Variants in DPP8 observed in about 807,000 individuals in gnomAD.
DPP8 encodes DPP VIII.
In DPP8, 31 loss-of-function variants were observed where a neutral mutation model predicts 107.5. That is an observed-to-expected ratio of 0.29 (90% confidence interval 0.22 to 0.39). The LOEUF is 0.39. Among genes scored for constraint, DPP8 ranks in the 10% least tolerant of loss-of-function variants. The pLI, the probability that DPP8 is intolerant of heterozygous loss-of-function variation, is 1.00. For synonymous variants in DPP8, 381 were observed against 356.6 expected (o/e 1.07, Z -0.77); for missense variants, 842 against 1,076.1 (o/e 0.78, Z 3.04).
At position 65,456,353 on chromosome 15, in the gene DPP8, G is replaced by A. The variant is rs761602081; in HGVS notation, c.1990C>T (p.Arg664Trp). The A allele has an allele frequency of 6.2e-7, 1 of 1,611,386 alleles. No individual in the cohort carries two copies. The change falls in exon 16 of 20, where the codon CGG becomes TGG. Residue 664 changes from arginine to tryptophan, a missense_variant. By Grantham distance (101) the Arg-to-Trp change is moderately radical. Coordinates refer to ENST00000300141, the MANE Select transcript of DPP8 (RefSeq NM_130434.5). ...GGPQVQLVNN[R>W]FKGVKYFRLN... is the part of the protein sequence containing the mutation. The stretch of plus-strand genomic sequence containing the variant: ...CGGAAATACTTGACTCCTTTAAACC[G>A]ATTATTCACCAACTGCACCTGAGGA...
In DPP8 at chr15:65,451,077, C is replaced by T; in HGVS notation, c.2448G>A (p.Leu816=). The T allele has an allele frequency of 6.2e-7, 1 of 1,612,984 alleles. No individual in the cohort carries two copies. Among genetic ancestry groups the T allele is most frequent in the Non-Finnish European group, 8.5e-7 (1 of 1,179,386 alleles). Residue 816 remains leucine, a synonymous_variant, in exon 19 of 20, where the codon CTG becomes CTA. Transcript: ENST00000300141. Reference sequence around the variant, plus strand: ...TATGTGCAAAATGGACATTCTCATCCAGGAAACCATGTAAGAGCAGTAAAC... The same window carrying T: ...TATGTGCAAAATGGACATTCTCATCTAGGAAACCATGTAAGAGCAGTAAAC... ...PNRLLLLHGF[L]DENVHFAHTS...
intron 12 of DPP8, among the ~76,000 whole-genome samples, chr15:65,471,534 T>C (rs533815825): frequency 3.6e-5 from 5 of 140,240 alleles, no homozygotes; most frequent in Admixed American, 2.1e-4. Flanking sequence ...TTTTTTTTGG[T>C]AGAGATGGAG....
At chr15:65,456,797 A>T (rs2064460694) in intron 15 of DPP8, among the ~76,000 whole-genome samples, 1 of 152,126 alleles carries the variant, frequency 6.6e-6, no homozygotes, top group Non-Finnish European at 1.5e-5. Context: ...CTTCAGAATA[A>T]GTCTACATGG....
At chr15:65,492,670 A>T (rs751469618) in intron 5 of DPP8, among the ~76,000 whole-genome samples, 7 of 151,222 alleles carry the variant, frequency 4.6e-5, no homozygotes, top group Non-Finnish European at 8.9e-5. Context: ...ATCTCGGGTC[A>T]CTGCAGCCTT....
intron 6 of DPP8, among the ~76,000 whole-genome samples, chr15:65,488,603 CA>C (rs1166493197): frequency 0.23 from 10,437 of 45,556 alleles, 121 homozygotes; most frequent in African/African-American, 0.31. Context: ...GACCCTGCCT[CA>C]AAAAAAAAAA....
chr15:65,466,328 G>A (rs933817960), intron 14 of DPP8, among the ~76,000 whole-genome samples: 14 of 100,392 alleles, frequency 1.4e-4, no homozygotes, highest in Admixed American at 4.6e-4. Context: ...TAGTGGAGAC[G>A]GGGTTTTACT....
intron 5 of DPP8, among the ~76,000 whole-genome samples, chr15:65,496,144 C>T (rs750483282): frequency 2.6e-5 from 4 of 151,866 alleles, no homozygotes; most frequent in Middle Eastern, 3.2e-3. Flanking sequence ...CCACCACGCC[C>T]GGCTAATTTT....
chr15:65,505,027 T>C (rs1201033958), intron 3 of DPP8, among the ~76,000 whole-genome samples: 8 of 151,934 alleles, frequency 5.3e-5, no homozygotes, highest in Admixed American at 5.3e-4. Context: ...TACTGATATA[T>C]TTCAGGAATG....
In DPP8 at chr15:65,509,785, C is replaced by T. The variant is rs146675055; in HGVS notation, c.260-2430G>A. Among the ~76,000 whole-genome samples, 6 of 152,064 alleles carry T rather than the reference C, an allele frequency of 3.9e-5. No individual in the cohort carries two copies. In the East Asian group the frequency reaches 9.7e-4, roughly 25 times the overall value. Reference sequence around the variant, plus strand: ...TCTGCAATTCCAGCACTCTGGGAGGCTGAGGTGGGTAGACAGCTTGAGCTC... The same window carrying T: ...TCTGCAATTCCAGCACTCTGGGAGGTTGAGGTGGGTAGACAGCTTGAGCTC... On this transcript the variant is annotated intron_variant, in intron 2 of 19. Transcript: ENST00000300141.
chr15:65,513,778 T>C (rs930958641), intron 1 of DPP8, among the ~76,000 whole-genome samples: 1 of 152,236 alleles, frequency 6.6e-6, no homozygotes, highest in Admixed American at 6.5e-5. Context: ...GAAGTTGCAT[T>C]TCTCCTTTAT....
chr15:65,476,224 T>C (rs760124850), intron 11 of DPP8, among the ~76,000 whole-genome samples: 4 of 152,108 alleles, frequency 2.6e-5, no homozygotes, highest in Non-Finnish European at 5.9e-5. Flanking sequence ...TTTCCTAGGG[T>C]TCCACGTAAG....
chr15:65,448,876 A>ATGTATATG (rs1270279189), intron 19 of DPP8, among the ~76,000 whole-genome samples: 4 of 30,550 alleles, frequency 1.3e-4, no homozygotes, highest in African/African-American at 7.7e-4. Flanking sequence ...ATATATATAT[A>ATGTATATG]TATATATATA....
intron 17 of DPP8, 97 bp downstream of exon 17, chr15:65,454,164 ACT>A: frequency 1.0e-6 from 1 of 985,028 alleles, no homozygotes; most frequent in Non-Finnish European, 1.4e-6. Flanking sequence ...AAAATTGCCA[ACT>A]CTGTAAACCT....
chr15:65,479,114 TTTC>T (rs2066666292), intron 10 of DPP8, 75 bp from the exon 11 acceptor site: 7 of 1,012,446 alleles, frequency 6.9e-6, no homozygotes, highest in Non-Finnish European at 9.6e-6. Flanking sequence ...ACAGGAAAAA[TTTC>T]TTGATAAATA....
rs974272725 is a variant in DPP8 at position 65,456,270 on chromosome 15, G to A, written c.2073C>T (p.Ser691=). The change falls in exon 16 of 20, where the codon TCC becomes TCT. Residue 691 remains serine (S), a synonymous_variant. Transcript: ENST00000300141. The stretch of plus-strand genomic sequence containing the variant: ...CTTCAAATTTAAGCCCTCGGTGACA[G>A]GATCCCCTGTTGTCTATCACTACAA... ...YVVVVIDNRG[S]CHRGLKFEGA... The A allele has an allele frequency of 1.2e-6, 2 of 1,613,578 alleles. No individual in the cohort carries two copies. The highest frequency in any genetic ancestry group is 2.7e-5 in the African/African-American group (2 of 74,894).
rs562908880 is a variant in DPP8 at position 65,488,506 on chromosome 15, G to A, written c.827-688C>T. ...GCCTGTAGTCCCAGGTACTTGAGAGGCTGAGGTGAGAGGATTGCTTGAGCC... is the reference window on the plus strand; with the variant it reads ...GCCTGTAGTCCCAGGTACTTGAGAGACTGAGGTGAGAGGATTGCTTGAGCC... On this transcript the variant is annotated intron_variant, in intron 6 of 19. Transcript: ENST00000300141. Among the ~76,000 whole-genome samples, 35 of 150,926 alleles carry A rather than the reference G, an allele frequency of 2.3e-4. No homozygotes were observed. The East Asian group carries it at 3.7e-3, about 16-fold the overall frequency.
At chr15:65,491,080 C>T (rs571187502) in intron 5 of DPP8, among the ~76,000 whole-genome samples, 4 of 150,482 alleles carry the variant, frequency 2.7e-5, no homozygotes, top group Admixed American at 2.0e-4. Flanking sequence ...ATCGCTTGAA[C>T]CCGGGAGGTG....
chr15:65,514,857 G>C (rs568352485), intron 1 of DPP8, among the ~76,000 whole-genome samples: 3 of 152,142 alleles, frequency 2.0e-5, no homozygotes, highest in South Asian at 2.1e-4. Context: ...AATGAGAAAA[G>C]AACCTATACA....
Position 65,498,043 on chromosome 15 carries a change from AAAC to A in DPP8, c.547-14_547-12del, listed in dbSNP as rs773447252. ...CCTTAAAGGTTGTTGCTAGAAAAGT[AAAC>A]AACATTTTAAGGTAAGTATTAGGCT... is the stretch of plus-strand genomic sequence containing the variant. On this transcript the variant is annotated splice_polypyrimidine_tract_variant and intron_variant, in intron 4 of 19. Transcript: ENST00000300141. 5 of 1,576,512 alleles carry A rather than the reference AAAC, an allele frequency of 3.2e-6. No individual in the cohort carries two copies. The highest frequency in any genetic ancestry group is 2.3e-5 in the East Asian group (1 of 44,084).
Sources: gnomAD v4.1 joint callset for allele counts (sites outside exome capture counted in the v4.1 genomes callset) on GRCh38, gnomAD v4.1.1 for gene constraint, MANE v1.5 for transcripts, NCBI Gene and HGNC (gene_info 2026-07-23, HGNC 2026-07-21) for gene names.